Variants in DIS3L2 observed in about 807,000 individuals in gnomAD.
DIS3L2 encodes the protein DIS3-like exonuclease 2.
Under a neutral mutation model 97.5 loss-of-function variants are expected in DIS3L2, and 34 were observed. The observed-to-expected ratio is 0.35, with a 90% CI of 0.27 to 0.46. The LOEUF (loss-of-function observed/expected upper bound fraction) is 0.46, where lower values mean the gene tolerates loss of function less well. Among genes scored for constraint, DIS3L2 ranks in the 20% least tolerant of loss-of-function variants. The pLI is 1.00. For synonymous variants in DIS3L2, 435 were observed against 445.2 expected, an observed-to-expected ratio of 0.98 and a Z score of 0.29; for missense variants, 1,038 against 1,146.0, an observed-to-expected ratio of 0.91 and a Z score of 1.36.
chr2:231,968,331 C>T (rs564237571), intron 1 of DIS3L2, among the ~76,000 whole-genome samples: 11 of 152,272 alleles, frequency 7.2e-5, no homozygotes, highest in African/African-American at 2.4e-4. Flanking sequence ...CTCCTGACCT[C>T]GTGATCCGCC....
intron 11 of DIS3L2, among the ~76,000 whole-genome samples, chr2:232,248,162 G>A (rs916925577): frequency 6.6e-6 from 1 of 152,138 alleles, no homozygotes; most frequent in Admixed American, 6.5e-5. Context: ...ATAAGAAGCC[G>A]CTGGGGTTTG....
Position 232,134,891 on chromosome 2 carries a change from G to A in DIS3L2, c.703-1581G>A, listed in dbSNP as rs558956139. 2.6e-5 allele frequency among the ~76,000 whole-genome samples: 4 copies of A among 151,868 alleles called. No individual in the cohort carries two copies. The South Asian group carries it at 6.3e-4, about 24-fold the overall frequency. On this transcript the variant is annotated intron_variant, in intron 7 of 20. Coordinates refer to ENST00000325385, the MANE Select transcript of DIS3L2 (RefSeq NM_152383.5). ...TGTGCGCACACACACACACACACAC[G>A]GTGGCTCTGGGAAGGGAGGAAAGGA...
intron 8 of DIS3L2, among the ~76,000 whole-genome samples, chr2:232,156,692 A>G (rs914457662): frequency 6.6e-6 from 1 of 152,222 alleles, no homozygotes; most frequent in Non-Finnish European, 1.5e-5. Flanking sequence ...CCTGGAGGAT[A>G]GCATTCCAAC....
chr2:232,330,861 C>T, intron 16 of DIS3L2, 85 bp downstream of exon 16: 2 of 1,319,250 alleles, frequency 1.5e-6, no homozygotes, highest in East Asian at 4.6e-5. Context: ...AGCACAGGCC[C>T]CCACCGTTCC....
At chr2:232,314,430 A>T (rs917863049) in intron 14 of DIS3L2, among the ~76,000 whole-genome samples, 1 of 152,216 alleles carries the variant, frequency 6.6e-6, no homozygotes, top group Admixed American at 6.5e-5. Flanking sequence ...CAAACCGAGC[A>T]GGCCCCGGAG....
intron 4 of DIS3L2, among the ~76,000 whole-genome samples, chr2:232,025,606 G>A (rs1326919152): frequency 6.6e-6 from 1 of 152,156 alleles, no homozygotes; most frequent in African/African-American, 2.4e-5. Flanking sequence ...TGTAAAATTG[G>A]GTTGTAGAAT....
chr2:231,972,796 G>A (rs972592495), intron 1 of DIS3L2, among the ~76,000 whole-genome samples: 2 of 152,050 alleles, frequency 1.3e-5, no homozygotes, highest in African/African-American at 4.8e-5. Flanking sequence ...TGCCCACCTC[G>A]GCCTCTCAAA....
chr2:232,226,447 C>T (rs1337788413), intron 10 of DIS3L2, among the ~76,000 whole-genome samples: 1 of 152,158 alleles, frequency 6.6e-6, no homozygotes, highest in East Asian at 1.9e-4. Flanking sequence ...TTAATAGTAC[C>T]TACCTCATAG....
chr2:232,094,599 A>G lies in DIS3L2; in HGVS notation c.601+6878A>G, dbSNP rs200494722. Among the ~76,000 whole-genome samples, 13 of 151,782 alleles carry G rather than the reference A, an allele frequency of 8.6e-5. No individual in the cohort carries two copies. In the East Asian group the frequency reaches 2.5e-3, roughly 29 times the overall value. ...CAGTCATGGTGGTGCGCACCTATAAATCCCAGCTACTGGGGAGGTGGAAGT... is the reference window on the plus strand; with the variant it reads ...CAGTCATGGTGGTGCGCACCTATAAGTCCCAGCTACTGGGGAGGTGGAAGT... On this transcript the variant is annotated intron_variant, in intron 6 of 20. Transcript: ENST00000325385.
intron 13 of DIS3L2, among the ~76,000 whole-genome samples, chr2:232,272,158 C>G (rs1228625276): frequency 1.3e-5 from 2 of 152,132 alleles, no homozygotes; most frequent in African/African-American, 4.8e-5. Context: ...TCATCATTTT[C>G]AAAAATTAGA....
At chr2:232,166,427 T>A (rs1218340220) in intron 9 of DIS3L2, among the ~76,000 whole-genome samples, 5 of 152,180 alleles carry the variant, frequency 3.3e-5, no homozygotes, top group Admixed American at 1.3e-4. Context: ...AAGGATTTTT[T>A]AAAAAATTAC....
chr2:232,233,026 C>A (rs1194941085), intron 10 of DIS3L2, among the ~76,000 whole-genome samples: 1 of 152,152 alleles, frequency 6.6e-6, no homozygotes, highest in African/African-American at 2.4e-5. Context: ...GGCACAGAAT[C>A]ACCAGGCTTC....
At chr2:232,035,226 T>G (rs1694917825) in intron 5 of DIS3L2, among the ~76,000 whole-genome samples, 1 of 152,246 alleles carries the variant, frequency 6.6e-6, no homozygotes, top group South Asian at 2.1e-4. Flanking sequence ...CTCTTCTTTT[T>G]GCATTGATCC....
chr2:232,254,932 T>G (rs932841440), intron 12 of DIS3L2, among the ~76,000 whole-genome samples: 24 of 152,308 alleles, frequency 1.6e-4, no homozygotes, highest in African/African-American at 5.5e-4. Context: ...CTCCTTGTAC[T>G]GTTGGTTATC....
chr2:232,228,452 C>T (rs186028034), intron 10 of DIS3L2, among the ~76,000 whole-genome samples: 1 of 152,220 alleles, frequency 6.6e-6, no homozygotes, highest in Non-Finnish European at 1.5e-5. Context: ...AAAGAGATGA[C>T]GACACATGCC....
chr2:231,962,661 T>A (rs1692601104), intron 1 of DIS3L2, among the ~76,000 whole-genome samples: 1 of 152,124 alleles, frequency 6.6e-6, no homozygotes, highest in Admixed American at 6.6e-5. Flanking sequence ...GGTCTCGATC[T>A]CTTGACCTCG....
chr2:232,040,330 T>C (rs887217833), intron 5 of DIS3L2, among the ~76,000 whole-genome samples: 1 of 152,230 alleles, frequency 6.6e-6, no homozygotes, highest in Non-Finnish European at 1.5e-5. Flanking sequence ...CTCCCAGACA[T>C]TGGAAGAAGT....
chr2:232,273,281 T>A (rs1202454202), intron 13 of DIS3L2, among the ~76,000 whole-genome samples: 1 of 152,188 alleles, frequency 6.6e-6, no homozygotes, highest in African/African-American at 2.4e-5. Context: ...TTTCTAAGAT[T>A]GTGAGTTTCT....
intron 8 of DIS3L2, among the ~76,000 whole-genome samples, chr2:232,136,948 G>A (rs539271380): frequency 2.0e-5 from 3 of 152,082 alleles, no homozygotes; most frequent in East Asian, 1.9e-4. Flanking sequence ...GTTTTTTGGC[G>A]TAAAACATGA....
Sources: gnomAD v4.1 joint callset for allele counts (sites outside exome capture counted in the v4.1 genomes callset) on GRCh38, gnomAD v4.1.1 for gene constraint, MANE v1.5 for transcripts, NCBI Gene and HGNC (gene_info 2026-07-23, HGNC 2026-07-21) for gene names.